SVEP1: variants seen among roughly 807,000 people sequenced by gnomAD.
SVEP1 encodes sushi, von Willebrand factor type A, EGF and pentraxin domain containing 1.
SVEP1 carries 164 observed loss-of-function variants against 367.3 expected under a neutral mutation model. The observed-to-expected ratio is 0.45, with a 90% confidence interval of 0.39 to 0.51. SVEP1 has a LOEUF of 0.51. Among genes scored for constraint, SVEP1 ranks in the 20% least tolerant of loss-of-function variants. SVEP1 has a pLI of 0.00. For missense variants in SVEP1, 4,117 were observed against 4,425.3 expected, an observed-to-expected ratio of 0.93 and a Z score of 1.98; for synonymous variants, 1,666 against 1,611.6, an observed-to-expected ratio of 1.03 and a Z score of -0.81.
Position 110,471,455 on chromosome 9 carries a change from T to C in SVEP1, c.2907A>G (p.Ser969=), listed in dbSNP as rs1309327131. The change falls in exon 16 of 48, where the codon TCA becomes TCG. Residue 969 remains serine (S), a synonymous_variant. Coordinates refer to ENST00000374469, the MANE Select transcript of SVEP1 (RefSeq NM_153366.4). Reference sequence around the variant, plus strand: ...AATTGCTGTCGGCTATAAGTATTTCTGATGCAAGCTGAAAGGAATACATGG... The same window carrying C: ...AATTGCTGTCGGCTATAAGTATTTCCGATGCAAGCTGAAAGGAATACATGG... ...KDPMYSFQLA[S]EILIADSNSL... 3.1e-6 allele frequency: 5 copies of C among 1,613,900 alleles called. No individual in the cohort carries two copies. Among genetic ancestry groups the C allele is most frequent in the Non-Finnish European group, 4.2e-6 (5 of 1,179,892 alleles).
At chr9:110,394,409 G>C (rs1397369758) in intron 40 of SVEP1, among the ~76,000 whole-genome samples, 1 of 152,130 alleles carries the variant, frequency 6.6e-6, no homozygotes, top group Non-Finnish European at 1.5e-5. Flanking sequence ...GAAAAAAACA[G>C]AGCAGAATAA....
chr9:110,473,944 T>A (rs1254734493), intron 14 of SVEP1, among the ~76,000 whole-genome samples: 1 of 152,182 alleles, frequency 6.6e-6, no homozygotes, highest in African/African-American at 2.4e-5. Context: ...TCTTGCCAAC[T>A]GTGGGTATTA....
chr9:110,390,251 TTA>T (rs1827623146), intron 40 of SVEP1, among the ~76,000 whole-genome samples: 1 of 118,712 alleles, frequency 8.4e-6, no homozygotes, highest in African/African-American at 3.2e-5. Context: ...GTATATATAC[TTA>T]TATAAGTATG....
At chr9:110,491,377 GT>G (rs1442734816) in intron 8 of SVEP1, among the ~76,000 whole-genome samples, 1 of 151,516 alleles carries the variant, frequency 6.6e-6, no homozygotes, top group Non-Finnish European at 1.5e-5. Flanking sequence ...GAAACATTTT[GT>G]TTTTTAATCT....
intron 47 of SVEP1, among the ~76,000 whole-genome samples, chr9:110,367,496 C>T (rs940577096): frequency 1.3e-5 from 2 of 152,152 alleles, no homozygotes; most frequent in Non-Finnish European, 2.9e-5. Flanking sequence ...CATTCAGTCT[C>T]GTAGGAGAGA....
chr9:110,498,389 C>T (rs1163103169), intron 7 of SVEP1, among the ~76,000 whole-genome samples: 2 of 152,132 alleles, frequency 1.3e-5, no homozygotes, highest in South Asian at 4.1e-4. Flanking sequence ...TGGGGTTTTT[C>T]CTTCTGCCAC....
At chr9:110,406,060 AGAT>A in intron 38 of SVEP1, 97 bp downstream of exon 38, 4 of 1,452,286 alleles carry the variant, frequency 2.8e-6, no homozygotes, top group Non-Finnish European at 3.7e-6. Flanking sequence ...AGCAGTTCAG[AGAT>A]GATGTTTTCT....
chr9:110,413,258 G>A (rs1185121837), intron 36 of SVEP1, among the ~76,000 whole-genome samples: 2 of 148,450 alleles, frequency 1.3e-5, no homozygotes, highest in Non-Finnish European at 3.0e-5. Flanking sequence ...GGATGAAATT[G>A]GAAATCATCA....
chr9:110,518,251 C>T (rs1033978991), intron 3 of SVEP1, among the ~76,000 whole-genome samples: 2 of 151,858 alleles, frequency 1.3e-5, no homozygotes, highest in Non-Finnish European at 2.9e-5. Context: ...GGTGAAACCC[C>T]GTCTCTACTA....
At chr9:110,554,513 T>C (rs2991364) in intron 1 of SVEP1, among the ~76,000 whole-genome samples, 96,695 of 151,934 alleles carry the variant, frequency 0.64, 31,429 homozygotes, top group East Asian at 0.87. Context: ...GTCTATGGCA[T>C]GGAATGTTCA....
chr9:110,463,392 T>C (rs1277645326), intron 18 of SVEP1, among the ~76,000 whole-genome samples: 2 of 152,118 alleles, frequency 1.3e-5, no homozygotes, highest in African/African-American at 4.8e-5. Flanking sequence ...AACAAACTAA[T>C]ATACTTTGTG....
At chr9:110,473,907 G>A (rs1163907982) in intron 14 of SVEP1, among the ~76,000 whole-genome samples, 1 of 152,186 alleles carries the variant, frequency 6.6e-6, no homozygotes, top group East Asian at 1.9e-4. Flanking sequence ...TCTATACAAT[G>A]TATGAATATG....
intron 37 of SVEP1, among the ~76,000 whole-genome samples, 191 bp downstream of exon 37, chr9:110,410,872 C>A (rs1323463869): frequency 6.6e-6 from 1 of 152,142 alleles, no homozygotes; most frequent in African/African-American, 2.4e-5. Flanking sequence ...TGAATTAATT[C>A]ATCAAGAGAT....
At chr9:110,523,490 C>A (rs1829903872) in intron 3 of SVEP1, among the ~76,000 whole-genome samples, 1 of 152,070 alleles carries the variant, frequency 6.6e-6, no homozygotes, top group Admixed American at 6.6e-5. Context: ...AATTAACTGG[C>A]AGACTTAAGC....
rs201970928 is a variant in SVEP1, at chr9:110,411,613, T to C, written c.6098A>G (p.Glu2033Gly). ...GTCTCCAAAGAGCCGATGGGCAGTCTCTGGAGAGGCGTGGTCCACAATGGG... is the reference window on the plus strand; with the variant it reads ...GTCTCCAAAGAGCCGATGGGCAGTCCCTGGAGAGGCGTGGTCCACAATGGG... The part of the protein sequence containing the change: ...EPPIVDHASP[E>G]TAHRLFGDIA... Residue 2033 changes from glutamate (E) to glycine (G), a missense_variant, in exon 37 of 48, where the codon GAG becomes GGG. By Grantham distance (98) the Glu-to-Gly change is moderately conservative (BLOSUM62 -2). This residue lies in a region of SVEP1 where 2,174 missense variants were observed against 2,494.3 expected (regional missense o/e 0.87). Coordinates refer to ENST00000374469, the MANE Select transcript of SVEP1 (RefSeq NM_153366.4). 1.4e-5 allele frequency: 22 copies of C among 1,613,488 alleles called. No homozygotes were observed. The highest frequency in any genetic ancestry group is 1.7e-5 in the Non-Finnish European group (20 of 1,179,760).
chr9:110,372,556 G>A (rs890545648), intron 46 of SVEP1, among the ~76,000 whole-genome samples: 2 of 152,218 alleles, frequency 1.3e-5, no homozygotes, highest in Non-Finnish European at 2.9e-5. Context: ...GCTTTAAACT[G>A]CATGATTCTA....
chr9:110,394,212 T>C (rs1336682346), intron 40 of SVEP1, among the ~76,000 whole-genome samples: 1 of 151,952 alleles, frequency 6.6e-6, no homozygotes, highest in African/African-American at 2.4e-5. Flanking sequence ...TATCCGCTGT[T>C]CTGCACCCTC....
At chr9:110,565,219 T>A (rs376893956) in intron 1 of SVEP1, among the ~76,000 whole-genome samples, 3 of 152,184 alleles carry the variant, frequency 2.0e-5, no homozygotes, top group East Asian at 1.9e-4. Flanking sequence ...GCTGAGTAAC[T>A]CAGATTAGGA....
At position 110,439,771 on chromosome 9, in the gene SVEP1, G is replaced by T. The variant is rs542606326; in HGVS notation, c.4640-3267C>A. Among the ~76,000 whole-genome samples the T allele has an allele frequency of 7.0e-4, 106 of 152,184 alleles. 1 individual carries two copies. The highest frequency in any genetic ancestry group is 2.5e-3 in the African/African-American group (102 of 41,534). ...AACCCAAGCAGACTAAGACAGCCAC[G>T]AAGGGTGTCAATTGGAACTCTGCAA... On this transcript the variant is annotated intron_variant, in intron 27 of 47. Coordinates refer to ENST00000374469, the MANE Select transcript of SVEP1 (RefSeq NM_153366.4).
Sources: gnomAD v4.1 joint callset for allele counts (sites outside exome capture counted in the v4.1 genomes callset) on GRCh38, gnomAD v4.1.1 for gene constraint, gnomAD v4.1.1 regional missense constraint, MANE v1.5 for transcripts, NCBI Gene and HGNC (gene_info 2026-07-23, HGNC 2026-07-21) for gene names.